Variants in ABCC9 observed in about 807,000 individuals in gnomAD.
ABCC9 encodes ATP binding cassette subfamily C member 9, also known as ATP-binding cassette sub-family C member 9.
Under a neutral mutation model 188.3 loss-of-function variants are expected in ABCC9, and 95 were observed. The observed-to-expected ratio is 0.50, with a 90% CI of 0.43 to 0.60. ABCC9 has a LOEUF of 0.60. ABCC9 is among the 20% of genes least tolerant of loss of function. The pLI is 0.00. For synonymous variants in ABCC9, 659 were observed against 652.7 expected, an observed-to-expected ratio of 1.01 and a Z score of -0.15; for missense variants, 1,102 against 1,876.3, an observed-to-expected ratio of 0.59 and a Z score of 7.62.
At chr12:21,840,756 T>C (rs1258470413) in intron 29 of ABCC9, among the ~76,000 whole-genome samples, 3 of 152,258 alleles carry the variant, frequency 2.0e-5, no homozygotes, top group Admixed American at 6.5e-5. Flanking sequence ...GCAAAGACGA[T>C]GAGTCTAGGG....
In ABCC9 at chr12:21,801,303, T is replaced by G. The variant is rs1001236700; in HGVS notation, c.4513-122A>C. On this transcript the variant is annotated intron_variant, in intron 39 of 39. Transcript: ENST00000261200. ...GTTTATCTTGGTGAGTGACAAGATG[T>G]AGGGATCACAGACACCTCCCCTTTT... 8.6e-6 allele frequency: 11 copies of G among 1,285,268 alleles called. No homozygotes were observed. In the African/African-American group the frequency reaches 1.6e-4, roughly 19 times the overall value. 79.6% of individuals were successfully genotyped at this position (1,285,268 alleles called of 1,614,324 possible).
intron 15 of ABCC9, among the ~76,000 whole-genome samples, chr12:21,886,757 G>T (rs1369294504): frequency 1.3e-5 from 2 of 151,930 alleles, no homozygotes; most frequent in African/African-American, 4.8e-5. Context: ...TCTTCACCAG[G>T]CTCCAGCCAC....
chr12:21,832,265 T>G (rs1178001708), intron 30 of ABCC9, among the ~76,000 whole-genome samples: 2 of 152,164 alleles, frequency 1.3e-5, no homozygotes, highest in Non-Finnish European at 2.9e-5. Flanking sequence ...TTGCTTCATG[T>G]GAGTACACCA....
chr12:21,876,054 A>AAAAAT (rs911894866), intron 16 of ABCC9, among the ~76,000 whole-genome samples: 25 of 152,176 alleles, frequency 1.6e-4, no homozygotes, highest in Non-Finnish European at 2.8e-4. Flanking sequence ...TCCATCTTGG[A>AAAAAT]AAAATAAAAT....
chr12:21,861,087 C>A (rs1251586895), intron 20 of ABCC9, 32 bp from the exon 21 acceptor site: 1 of 1,541,604 alleles, frequency 6.5e-7, no homozygotes, highest in East Asian at 2.2e-5. Context: ...ATTTTTAGAT[C>A]TCAATTAATA....
intron 8 of ABCC9, among the ~76,000 whole-genome samples, chr12:21,911,740 G>A (rs996276552): frequency 6.6e-6 from 1 of 152,060 alleles, no homozygotes; most frequent in African/African-American, 2.4e-5. Context: ...ATATACAAAT[G>A]TGCAAGTCCT....
Position 21,798,685 on chromosome 12 carries a change from G to A in ABCC9, c.*2359C>T, listed in dbSNP as rs1038568475. On this transcript the variant is annotated 3_prime_UTR_variant, in exon 40 of 40. Transcript: ENST00000261200. ...TAGTTTAACCATTGTGGAAGTCAGTGTGGCGATTCCTCAGGGATCTAGAAC... is the reference window on the plus strand; with the variant it reads ...TAGTTTAACCATTGTGGAAGTCAGTATGGCGATTCCTCAGGGATCTAGAAC... The A allele has an allele frequency of 6.6e-6, 1 of 152,014 alleles. No homozygotes were observed. The highest frequency in any genetic ancestry group is 1.5e-5 in the Non-Finnish European group (1 of 68,030). 9.4% of individuals were successfully genotyped at this position (152,014 alleles called of 1,614,324 possible).
At chr12:21,875,799 TG>T (rs1359271677) in intron 16 of ABCC9, 73 bp from the exon 17 acceptor site, 1 of 1,312,112 alleles carries the variant, frequency 7.6e-7, no homozygotes, top group African/African-American at 1.5e-5. Flanking sequence ...AATAATAATT[TG>T]TAGGCCAGGC....
rs1283814 is a variant in ABCC9 at position 21,829,415 on chromosome 12, A to G, written c.3567-355T>C. 4.6e-3 allele frequency among the ~76,000 whole-genome samples: 693 copies of G among 151,840 alleles called. 5 individuals carry two copies. The highest frequency in any genetic ancestry group is 0.015 in the African/African-American group (638 of 41,430). On this transcript the variant is annotated intron_variant, in intron 30 of 39. Transcript: ENST00000261200. ...ACGAGGTTTCACCGTGTTAGCCAGGATGGTCTCGATCTCCTGACCTTGTGA... is the reference window on the plus strand; with the variant it reads ...ACGAGGTTTCACCGTGTTAGCCAGGGTGGTCTCGATCTCCTGACCTTGTGA...
chr12:21,875,576 T>C (rs971073952), intron 17 of ABCC9, 78 bp downstream of exon 17: 2 of 1,084,630 alleles, frequency 1.8e-6, no homozygotes, highest in African/African-American at 3.2e-5. Context: ...AAGTATCTTT[T>C]TGTTAGGCTC....
intron 30 of ABCC9, among the ~76,000 whole-genome samples, chr12:21,831,352 T>C (rs945736302): frequency 6.6e-6 from 1 of 152,076 alleles, no homozygotes; most frequent in Admixed American, 6.6e-5. Flanking sequence ...TAGATTTTCA[T>C]CCATTCATTC....
chr12:21,860,279 A>G (rs12230539), intron 21 of ABCC9, among the ~76,000 whole-genome samples: 18,722 of 152,212 alleles, frequency 0.12, 1,550 homozygotes, highest in Middle Eastern at 0.29. Context: ...GTATGTAGCA[A>G]AAAAGAACAG....
chr12:21,845,675 A>G lies in ABCC9; in HGVS notation c.3024T>C (p.Ile1008=). 1.2e-6 allele frequency: 2 copies of G among 1,613,922 alleles called. No individual in the cohort carries two copies. Among genetic ancestry groups the G allele is most frequent in the Non-Finnish European group, 1.7e-6 (2 of 1,179,844 alleles). The change falls in exon 26 of 40, where the codon ATT becomes ATC. Residue 1008 remains isoleucine, a synonymous_variant. Coordinates refer to ENST00000261200, the MANE Select transcript of ABCC9 (RefSeq NM_020297.4). ...TGGCCAGCCAATAGTCTATAGCTACAATGACCGAATGCTTCAAAAGCTTAG... is the reference window on the plus strand; with the variant it reads ...TGGCCAGCCAATAGTCTATAGCTACGATGACCGAATGCTTCAAAAGCTTAG... ...IFSKLLKHSV[I]VAIDYWLATW...
chr12:21,858,893 C>T (rs1945362240), intron 22 of ABCC9, among the ~76,000 whole-genome samples: 1 of 152,112 alleles, frequency 6.6e-6, no homozygotes, highest in African/African-American at 2.4e-5. Flanking sequence ...ACATACTCTG[C>T]CAGCATCTCC....
chr12:21,862,502 G>C (rs1945568834), intron 20 of ABCC9, among the ~76,000 whole-genome samples: 1 of 152,118 alleles, frequency 6.6e-6, no homozygotes, highest in Non-Finnish European at 1.5e-5. Flanking sequence ...ACCTTCTTAT[G>C]TGGTGGTGGT....
chr12:21,897,467 G>A (rs1166427580), intron 12 of ABCC9, among the ~76,000 whole-genome samples: 1 of 152,156 alleles, frequency 6.6e-6, no homozygotes, highest in East Asian at 1.9e-4. Flanking sequence ...TGAAGCACTT[G>A]ACATAGTGCC....
chr12:21,867,875 A>G (rs535810574), intron 18 of ABCC9, among the ~76,000 whole-genome samples: 25 of 152,054 alleles, frequency 1.6e-4, no homozygotes, highest in Admixed American at 1.2e-3. Flanking sequence ...TTCTCACATC[A>G]TTACCACCAC....
intron 37 of ABCC9, among the ~76,000 whole-genome samples, chr12:21,809,189 A>T (rs1942060203): frequency 6.6e-6 from 1 of 152,154 alleles, no homozygotes; most frequent in Non-Finnish European, 1.5e-5. Context: ...AGTTAAAGAT[A>T]GTATGAACTC....
At position 21,840,414 on chromosome 12, in the gene ABCC9, A is replaced by G. The variant is rs529387404; in HGVS notation, c.3473+1900T>C. ...TCAATATTAATTCTTTAAAATAACCATCCTCTCCATACTTTAGTCTCTAAT... is the reference window on the plus strand; with the variant it reads ...TCAATATTAATTCTTTAAAATAACCGTCCTCTCCATACTTTAGTCTCTAAT... On this transcript the variant is annotated intron_variant, in intron 29 of 39. Coordinates refer to ENST00000261200, the MANE Select transcript of ABCC9 (RefSeq NM_020297.4). 3.2e-4 allele frequency among the ~76,000 whole-genome samples: 49 copies of G among 152,344 alleles called. No individual in the cohort carries two copies. The East Asian group carries it at 7.1e-3, about 22-fold the overall frequency.
Sources: gnomAD v4.1 joint callset for allele counts (sites outside exome capture counted in the v4.1 genomes callset) on GRCh38, gnomAD v4.1.1 for gene constraint, MANE v1.5 for transcripts, NCBI Gene and HGNC (gene_info 2026-07-23, HGNC 2026-07-21) for gene names.